The following SH3RF3 variants were observed in gnomAD, a reference collection of about 807,000 sequenced individuals.
The protein encoded by SH3RF3 is SH3 domain containing ring finger 3.
A neutral mutation model predicts 66.3 loss-of-function variants in SH3RF3; 29 were observed. That is an observed-to-expected ratio of 0.44 (90% CI 0.33 to 0.60). The LOEUF is 0.60. Ranked by LOEUF, SH3RF3 falls within the 20% of genes least tolerant of loss-of-function variation. The probability of loss-of-function intolerance (pLI) is 0.04; values close to 1 mark genes in which losing one functional copy is unlikely to be tolerated. For missense variants in SH3RF3, 1,194 were observed against 1,190.9 expected (o/e 1.00, Z -0.04); for synonymous variants, 583 against 532.0 (o/e 1.10, Z -1.32).
In SH3RF3 at chr2:109,223,682, C is replaced by G. The variant is rs145693348; in HGVS notation, c.573+93569C>G. Among the ~76,000 whole-genome samples, 3 of 152,294 alleles carry G rather than the reference C, an allele frequency of 2.0e-5. No homozygotes were observed. In the East Asian group the frequency reaches 5.8e-4, roughly 29 times the overall value. On this transcript the variant is annotated intron_variant, in intron 1 of 9. Coordinates refer to ENST00000309415, the MANE Select transcript of SH3RF3 (RefSeq NM_001099289.3). ...CATGGCTCTCCCCTGAATTCTGCCC[C>G]CCACGTGATGCTGCCCCAACGTGGA...
At chr2:109,396,081 C>T (rs1308735395) in intron 3 of SH3RF3, among the ~76,000 whole-genome samples, 4 of 152,142 alleles carry the variant, frequency 2.6e-5, no homozygotes, top group Non-Finnish European at 2.9e-5. Flanking sequence ...GTGAGTGAGA[C>T]GAATGGAGGA....
intron 1 of SH3RF3, among the ~76,000 whole-genome samples, chr2:109,209,357 A>T (rs1678912973): frequency 6.6e-6 from 1 of 152,120 alleles, no homozygotes; most frequent in Admixed American, 6.6e-5. Context: ...AACGTTTAAC[A>T]GTTGGCTTCC....
At chr2:109,309,324 G>A (rs546157747) in intron 1 of SH3RF3, among the ~76,000 whole-genome samples, 1 of 150,498 alleles carries the variant, frequency 6.6e-6, no homozygotes, top group Non-Finnish European at 1.5e-5. Context: ...GAGATTTTGG[G>A]CTGAGACAAA....
chr2:109,394,864 A>G lies in SH3RF3; in HGVS notation c.946-3726A>G, dbSNP rs978096796. On this transcript the variant is annotated intron_variant, in intron 3 of 9. Transcript: ENST00000309415. ...CTGTGCGCGAGACGAGTCTGCACCA[A>G]CTTGCAGAGTGAGGAGCTGGGAAAG... Among the ~76,000 whole-genome samples the G allele has an allele frequency of 5.3e-5, 8 of 152,318 alleles. No individual in the cohort carries two copies. The East Asian group carries it at 5.8e-4, about 11-fold the overall frequency.
At chr2:109,130,465 C>A (rs570104633) in intron 1 of SH3RF3, among the ~76,000 whole-genome samples, 2 of 152,206 alleles carry the variant, frequency 1.3e-5, no homozygotes, top group African/African-American at 2.4e-5. Context: ...CCAGACACTC[C>A]CTCTGCACAC....
At chr2:109,444,782 A>G (rs1336642234) in intron 7 of SH3RF3, among the ~76,000 whole-genome samples, 1 of 152,232 alleles carries the variant, frequency 6.6e-6, no homozygotes, top group Non-Finnish European at 1.5e-5. Flanking sequence ...GAGCTGGCAC[A>G]TTAAGATTTC....
intron 7 of SH3RF3, among the ~76,000 whole-genome samples, chr2:109,439,903 G>A (rs956529533): frequency 6.6e-6 from 1 of 152,194 alleles, no homozygotes; most frequent in Non-Finnish European, 1.5e-5. Flanking sequence ...TAGGTATTAA[G>A]AGAGTGTGGA....
chr2:109,490,756 T>C lies in SH3RF3; in HGVS notation c.2300T>C (p.Leu767Pro), dbSNP rs952002646. The C allele has an allele frequency of 2.6e-6, 4 of 1,536,514 alleles. No homozygotes were observed. Among genetic ancestry groups the C allele is most frequent in the Admixed American group, 2.0e-5 (1 of 50,976 alleles). Residue 767 changes from leucine to proline, a missense_variant, in exon 9 of 10, where the codon CTG (leucine) becomes CCG (proline). Transcript: ENST00000309415. ...QGAVGPEVSS[L>P]SIHGRAGSCP... is the part of the protein sequence containing the mutation. ...GCAGTGGGCCCCGAAGTGTCCTCAC[T>C]GTCCATCCACGGCAGGGCAGGGTCC...
intron 1 of SH3RF3, among the ~76,000 whole-genome samples, chr2:109,242,179 C>T (rs1164618514): frequency 6.6e-6 from 1 of 152,106 alleles, no homozygotes; most frequent in Non-Finnish European, 1.5e-5. Context: ...GTGTTGGTGT[C>T]CTAGCTTAGG....
chr2:109,334,983 C>T (rs753609060), intron 1 of SH3RF3, among the ~76,000 whole-genome samples: 5 of 152,280 alleles, frequency 3.3e-5, no homozygotes, highest in Middle Eastern at 3.4e-3. Flanking sequence ...CGTCCTGGTG[C>T]GAGGCTCTGA....
chr2:109,136,679 A>G (rs972900367), intron 1 of SH3RF3, among the ~76,000 whole-genome samples: 48 of 152,294 alleles, frequency 3.2e-4, no homozygotes, highest in African/African-American at 1.1e-3. Flanking sequence ...ACGTGTTTAC[A>G]TTGTTAACTG....
At chr2:109,429,070 G>A (rs1003448977) in intron 5 of SH3RF3, among the ~76,000 whole-genome samples, 2 of 152,202 alleles carry the variant, frequency 1.3e-5, no homozygotes, top group Non-Finnish European at 2.9e-5. Flanking sequence ...CGATGCCACT[G>A]TGGCTGCAGG....
intron 1 of SH3RF3, among the ~76,000 whole-genome samples, chr2:109,223,684 C>G (rs963479081): frequency 3.3e-5 from 5 of 152,202 alleles, no homozygotes; most frequent in African/African-American, 7.2e-5. Flanking sequence ...TTCTGCCCCC[C>G]ACGTGATGCT....
chr2:109,190,002 A>G (rs1164918046), intron 1 of SH3RF3, among the ~76,000 whole-genome samples: 1 of 152,218 alleles, frequency 6.6e-6, no homozygotes, highest in Non-Finnish European at 1.5e-5. Context: ...GTGGTTTATC[A>G]TGGAAGAAGT....
chr2:109,299,993 T>C (rs565968148), intron 1 of SH3RF3, among the ~76,000 whole-genome samples: 24 of 152,328 alleles, frequency 1.6e-4, no homozygotes, highest in Middle Eastern at 3.4e-3. Context: ...TTTCGCTCTT[T>C]CTTCAAGAAT....
At chr2:109,455,381 C>A (rs1678021608) in intron 8 of SH3RF3, among the ~76,000 whole-genome samples, 1 of 152,332 alleles carries the variant, frequency 6.6e-6, no homozygotes, top group Admixed American at 6.5e-5. Context: ...ATCAAGACTG[C>A]AAACCCAATT....
chr2:109,298,333 C>A (rs575585508), intron 1 of SH3RF3, among the ~76,000 whole-genome samples: 5 of 152,274 alleles, frequency 3.3e-5, no homozygotes, highest in African/African-American at 1.2e-4. Flanking sequence ...GTCTGTCATC[C>A]TTGTCCCTGC....
intron 2 of SH3RF3, among the ~76,000 whole-genome samples, chr2:109,366,766 C>T (rs13399064): frequency 0.19 from 28,695 of 152,152 alleles, 3,322 homozygotes; most frequent in African/African-American, 0.33. Flanking sequence ...GGAGGGAGGA[C>T]CACTTGCGCC....
intron 1 of SH3RF3, among the ~76,000 whole-genome samples, chr2:109,220,610 G>A (rs1679208014): frequency 1.3e-5 from 2 of 152,114 alleles, no homozygotes; most frequent in South Asian, 2.1e-4. Flanking sequence ...ATGGGTCAAG[G>A]TTTTCAGTAA....
Sources: allele counts gnomAD v4.1 joint callset (sites outside exome capture counted in the v4.1 genomes callset), GRCh38; gene constraint gnomAD v4.1.1; transcripts MANE v1.5; gene names NCBI Gene and HGNC (gene_info 2026-07-23, HGNC 2026-07-21).